The following STK32B variants were observed in gnomAD, a reference collection of about 807,000 sequenced individuals.
The protein encoded by STK32B is serine/threonine kinase 32B.
In STK32B, 43 loss-of-function variants were observed where a neutral mutation model predicts 52.6. The observed-to-expected ratio is 0.82, with a 90% CI of 0.64 to 1.05. The LOEUF is 1.05. Ranked by LOEUF, STK32B falls within the 50% of genes least tolerant of loss-of-function variation. STK32B has a pLI of 0.00. For synonymous variants in STK32B, 238 were observed against 204.3 expected, an observed-to-expected ratio of 1.17 and a Z score of -1.41; for missense variants, 621 against 534.6, an observed-to-expected ratio of 1.16 and a Z score of -1.59.
intron 6 of STK32B, among the ~76,000 whole-genome samples, chr4:5,444,983 T>G (rs1715252497): frequency 6.6e-6 from 1 of 152,350 alleles, no homozygotes; most frequent in African/African-American, 2.4e-5. Flanking sequence ...GTATGTAGTT[T>G]GTGCTGAACG....
intron 5 of STK32B, among the ~76,000 whole-genome samples, chr4:5,407,108 A>G (rs1254855409): frequency 2.0e-5 from 3 of 152,056 alleles, no homozygotes; most frequent in African/African-American, 7.3e-5. Flanking sequence ...TGCTGCTTAG[A>G]AATTTCTTTT....
In STK32B at chr4:5,121,789, G is replaced by GGT; in HGVS notation, c.53-18116_53-18115insGT. 4.3e-5 allele frequency among the ~76,000 whole-genome samples: 5 copies of GGT among 116,076 alleles called. No individual in the cohort carries two copies. The South Asian group carries it at 1.4e-3, about 34-fold the overall frequency. The allele number at this position is 116,076 out of a possible 152,430, so 76.2% of individuals were successfully genotyped here. A position where few individuals can be genotyped will look rare whatever the true frequency, so the allele number is the denominator to read the frequency against. ...GGCACCAAAGTCTGTATTCAGTCTT[G>GGT]CTGTGACAGCTAAGGAGACTGCTGT... is the stretch of plus-strand genomic sequence containing the variant. On this transcript the variant is annotated intron_variant, in intron 1 of 11. Transcript: ENST00000282908.
At chr4:5,385,027 C>T (rs552407821) in intron 4 of STK32B, among the ~76,000 whole-genome samples, 1 of 152,060 alleles carries the variant, frequency 6.6e-6, no homozygotes, top group Non-Finnish European at 1.5e-5. Flanking sequence ...GTGAAACCCT[C>T]GAGTCGTGGT....
chr4:5,023,933 C>T, the STK32B span, among the ~76,000 whole-genome samples: 2,716 of 152,250 alleles, frequency 0.018, 94 homozygotes, highest in African/African-American at 0.062. Flanking sequence ...CAGTTTTGAG[C>T]CTTTCCTATG....
intron 4 of STK32B, among the ~76,000 whole-genome samples, chr4:5,371,901 C>G (rs1481262484): frequency 6.6e-6 from 1 of 152,196 alleles, no homozygotes; most frequent in East Asian, 1.9e-4. Context: ...AGCTCATTTC[C>G]CAGGTGGTGG....
upstream of STK32B, among the ~76,000 whole-genome samples, chr4:5,048,194 A>G (rs1391401095): frequency 6.6e-6 from 1 of 151,786 alleles, no homozygotes; most frequent in Admixed American, 6.6e-5. Context: ...CAGTGACGCA[A>G]TCTTGGCTCA....
intron 1 of STK32B, among the ~76,000 whole-genome samples, chr4:5,113,056 G>A (rs1220737824): frequency 1.3e-5 from 2 of 152,146 alleles, no homozygotes; most frequent in African/African-American, 4.8e-5. Context: ...GGGGTCCTGA[G>A]TGCTGTCATC....
At chr4:5,125,618 C>G (rs1280532554) in intron 1 of STK32B, among the ~76,000 whole-genome samples, 1 of 152,198 alleles carries the variant, frequency 6.6e-6, no homozygotes, top group Non-Finnish European at 1.5e-5. Context: ...CTTTTGGAAG[C>G]TACTGGGCCA....
chr4:5,213,490 A>G (rs1355799982), intron 3 of STK32B, among the ~76,000 whole-genome samples: 1 of 152,220 alleles, frequency 6.6e-6, no homozygotes, highest in East Asian at 1.9e-4. Context: ...CAGCTTAGAC[A>G]CAGTTGAGAA....
At chr4:5,159,482 GA>G (rs904098822) in intron 2 of STK32B, among the ~76,000 whole-genome samples, 15 of 135,454 alleles carry the variant, frequency 1.1e-4, no homozygotes, top group Non-Finnish European at 2.2e-4. Flanking sequence ...ACATATATAT[GA>G]ATACATATGA....
At chr4:5,356,251 C>A (rs927650966) in intron 4 of STK32B, among the ~76,000 whole-genome samples, 18 of 152,104 alleles carry the variant, frequency 1.2e-4, no homozygotes, top group African/African-American at 4.3e-4. Context: ...CTCACATGAC[C>A]CCATCCTCCC....
rs1180866309 is a variant in STK32B at position 5,467,698 on chromosome 4, C to A, written c.1042-308C>A. ...GGTTGTGAATTTCTGGTTTTCCATG[C>A]CCCTCACGTGGGCCTTAAGTGGTCA... On this transcript the variant is annotated intron_variant, in intron 10 of 11. Coordinates refer to ENST00000282908, the MANE Select transcript of STK32B (RefSeq NM_018401.3). The surrounding 1 kb of genome is among the most constrained non-coding windows in gnomAD (Gnocchi z 5.8). Among the ~76,000 whole-genome samples the A allele has an allele frequency of 6.6e-6, 1 of 152,190 alleles. No homozygotes were observed. The highest frequency in any genetic ancestry group is 2.4e-5 in the African/African-American group (1 of 41,456).
intron 3 of STK32B, among the ~76,000 whole-genome samples, chr4:5,300,071 C>G (rs970496937): frequency 6.6e-6 from 1 of 152,138 alleles, no homozygotes; most frequent in Non-Finnish European, 1.5e-5. Flanking sequence ...TCCGGCAGCA[C>G]ATCAAAAAGT....
At chr4:5,104,709 T>G (rs953562954) in intron 1 of STK32B, among the ~76,000 whole-genome samples, 2 of 152,220 alleles carry the variant, frequency 1.3e-5, no homozygotes, top group South Asian at 4.1e-4. Flanking sequence ...GTCATTCTTA[T>G]CACAAATTGT....
At chr4:5,140,228 T>C in intron 2 of STK32B, 1 of 1,469,324 alleles carries the variant, frequency 6.8e-7, no homozygotes, top group Non-Finnish European at 9.1e-7. Context: ...CTTGAGAATC[T>C]AAGTGAGGAA....
At chr4:5,371,711 T>C (rs1355761527) in intron 4 of STK32B, among the ~76,000 whole-genome samples, 1 of 152,196 alleles carries the variant, frequency 6.6e-6, no homozygotes, top group Non-Finnish European at 1.5e-5. Context: ...TTGTCAAAAT[T>C]ACTCAACCCT....
chr4:5,060,120 C>T (rs1742161004), intron 1 of STK32B, among the ~76,000 whole-genome samples: 1 of 152,146 alleles, frequency 6.6e-6, no homozygotes, highest in Admixed American at 6.5e-5. Context: ...GCATGTGCCC[C>T]TACGCCCGGC....
chr4:5,069,262 G>A (rs1483605346), intron 1 of STK32B, among the ~76,000 whole-genome samples: 2 of 149,046 alleles, frequency 1.3e-5, no homozygotes, highest in Admixed American at 6.8e-5. Flanking sequence ...GCACAATCTC[G>A]GCTCACTGCA....
Position 5,380,410 on chromosome 4 carries a change from T to G in STK32B, c.435-17797T>G, listed in dbSNP as rs1032541298. Among the ~76,000 whole-genome samples, 1 of 152,168 alleles carries G rather than the reference T, an allele frequency of 6.6e-6. No homozygotes were observed. The highest frequency in any genetic ancestry group is 2.4e-5 in the African/African-American group (1 of 41,438). On this transcript the variant is annotated intron_variant, in intron 4 of 11. Transcript: ENST00000282908. This position sits in a 1 kb window ranked among gnomAD's most constrained non-coding sequence, Gnocchi z 4.3. ...ACTATGAAATAGAAGAGCATTACTCTGAAGAGGTACAGGAATTTTCCTGAT... is the reference window on the plus strand; with the variant it reads ...ACTATGAAATAGAAGAGCATTACTCGGAAGAGGTACAGGAATTTTCCTGAT...
Sources: allele counts gnomAD v4.1 joint callset (sites outside exome capture counted in the v4.1 genomes callset), GRCh38; gene constraint gnomAD v4.1.1; non-coding constraint Gnocchi (gnomAD v3.1); transcripts MANE v1.5; gene names NCBI Gene and HGNC (gene_info 2026-07-23, HGNC 2026-07-21).